UMAD1: variants seen among roughly 807,000 people sequenced by gnomAD.
UMAD1 encodes the protein UBAP1-MVB12-associated (UMA)-domain containing protein 1.
UMAD1 carries 8 observed loss-of-function variants against 6.1 expected under a neutral mutation model. That is an observed-to-expected ratio of 1.30 (90% CI 0.76 to 2.35). The LOEUF is 2.35. UMAD1 is among the 30% of genes most tolerant of loss of function. The probability of loss-of-function intolerance (pLI) is 0.00; values close to 1 mark genes in which losing one functional copy is unlikely to be tolerated. For missense variants in UMAD1, 130 were observed against 78.4 expected, an observed-to-expected ratio of 1.66 and a Z score of -2.49; for synonymous variants, 56 against 31.4, an observed-to-expected ratio of 1.78 and a Z score of -2.61.
At chr7:7,850,685 A>C (rs1783894943) in intron 3 of UMAD1, among the ~76,000 whole-genome samples, 2 of 152,116 alleles carry the variant, frequency 1.3e-5, no homozygotes, top group Non-Finnish European at 1.5e-5. Context: ...TTAAACATGA[A>C]GGTAATTTTT....
chr7:7,856,097 C>A (rs375782044), intron 3 of UMAD1, among the ~76,000 whole-genome samples: 1 of 152,208 alleles, frequency 6.6e-6, no homozygotes, highest in African/African-American at 2.4e-5. Context: ...GACTTTACTA[C>A]GTCTTCTAGT....
chr7:7,782,078 T>A (rs951882908), intron 2 of UMAD1, among the ~76,000 whole-genome samples: 3 of 152,130 alleles, frequency 2.0e-5, no homozygotes, highest in Non-Finnish European at 4.4e-5. Flanking sequence ...AACCACATTA[T>A]TTACCCATTA....
intron 3 of UMAD1, among the ~76,000 whole-genome samples, chr7:7,833,611 C>G (rs377183861): frequency 9.9e-5 from 15 of 152,124 alleles, no homozygotes; most frequent in African/African-American, 3.6e-4. Flanking sequence ...CAGAGAATAA[C>G]TCTTGGTAAT....
chr7:7,661,602 C>T (rs188514015), intron 1 of UMAD1, among the ~76,000 whole-genome samples: 30 of 152,266 alleles, frequency 2.0e-4, no homozygotes, highest in East Asian at 7.7e-4. Context: ...GAGGTCCAGT[C>T]GAGACCCTGT....
intron 2 of UMAD1, among the ~76,000 whole-genome samples, chr7:7,767,346 C>T (rs1159621839): frequency 3.3e-5 from 5 of 151,506 alleles, no homozygotes; most frequent in East Asian, 1.9e-4. Flanking sequence ...AGGATGGTCT[C>T]GATCTCCTGA....
At chr7:7,828,207 T>C (rs1415236706) in intron 3 of UMAD1, among the ~76,000 whole-genome samples, 3 of 152,156 alleles carry the variant, frequency 2.0e-5, no homozygotes, top group African/African-American at 7.2e-5. Context: ...TAGTCGCTGG[T>C]TGGTTAAAAT....
At chr7:7,835,754 C>T (rs1027027137) in intron 3 of UMAD1, among the ~76,000 whole-genome samples, 1 of 151,776 alleles carries the variant, frequency 6.6e-6, no homozygotes, top group Non-Finnish European at 1.5e-5. Flanking sequence ...TGTGTATGAT[C>T]TTACATCAGT....
intron 2 of UMAD1, among the ~76,000 whole-genome samples, chr7:7,744,776 T>G (rs1483527881): frequency 6.6e-6 from 1 of 152,192 alleles, no homozygotes; most frequent in African/African-American, 2.4e-5. Context: ...ATTTGTCTTT[T>G]TATTATTGAA....
chr7:7,687,055 C>T (rs938118103), intron 2 of UMAD1, among the ~76,000 whole-genome samples: 10 of 152,152 alleles, frequency 6.6e-5, no homozygotes, highest in Non-Finnish European at 1.3e-4. Flanking sequence ...TTCCTTTGAA[C>T]TTCCTTTATG....
rs916073288 is a variant in UMAD1, at chr7:7,878,964, G to A, written c.*1426G>A. On this transcript the variant is annotated 3_prime_UTR_variant, in exon 4 of 4. Transcript: ENST00000682710. ...TATGACTTATTACTGATGCAAACGTGAACATTTTGTAGTAGTTTTGTAAAA... is the reference window on the plus strand; with the variant it reads ...TATGACTTATTACTGATGCAAACGTAAACATTTTGTAGTAGTTTTGTAAAA... 6 of 152,138 alleles carry A rather than the reference G, an allele frequency of 3.9e-5. No homozygotes were observed. The highest frequency in any genetic ancestry group is 6.5e-5 in the Admixed American group (1 of 15,284). 9.4% of individuals were successfully genotyped at this position (152,138 alleles called of 1,614,324 possible).
chr7:7,761,206 T>C (rs1781882685), intron 2 of UMAD1, among the ~76,000 whole-genome samples: 1 of 151,778 alleles, frequency 6.6e-6, no homozygotes, highest in African/African-American at 2.4e-5. Context: ...CTCTACAAAA[T>C]ATACAAAAAA....
chr7:7,700,088 A>G (rs1780420765), intron 2 of UMAD1, among the ~76,000 whole-genome samples: 1 of 152,130 alleles, frequency 6.6e-6, no homozygotes. Flanking sequence ...TCCTTTAACA[A>G]AGTGTCATAG....
chr7:7,731,992 T>C (rs1583782760), intron 2 of UMAD1, among the ~76,000 whole-genome samples: 2 of 152,128 alleles, frequency 1.3e-5, no homozygotes, highest in East Asian at 3.9e-4. Flanking sequence ...CCTTAGAGGA[T>C]TGTGAAAAAT....
intron 2 of UMAD1, among the ~76,000 whole-genome samples, chr7:7,794,786 G>T (rs1185764781): frequency 6.6e-6 from 1 of 152,254 alleles, no homozygotes; most frequent in Admixed American, 6.5e-5. Flanking sequence ...GATTACATCC[G>T]TAGAGAATCT....
intron 2 of UMAD1, among the ~76,000 whole-genome samples, chr7:7,784,502 A>AT (rs1782420348): frequency 6.8e-6 from 1 of 146,772 alleles, no homozygotes; most frequent in African/African-American, 2.7e-5. Flanking sequence ...TGCCCGGCTA[A>AT]TTTTTTGTAT....
intron 2 of UMAD1, among the ~76,000 whole-genome samples, chr7:7,716,039 G>A (rs897582283): frequency 6.6e-6 from 1 of 152,130 alleles, no homozygotes; most frequent in African/African-American, 2.4e-5. Context: ...ACTAATATAT[G>A]TCAGGCATAT....
chr7:7,872,254 A>G (rs1280128579), intron 3 of UMAD1, among the ~76,000 whole-genome samples: 1 of 152,160 alleles, frequency 6.6e-6, no homozygotes, highest in Non-Finnish European at 1.5e-5. Flanking sequence ...GTTTCCCACT[A>G]CATATAAAAG....
At chr7:7,715,500 A>G (rs891306806) in intron 2 of UMAD1, among the ~76,000 whole-genome samples, 1 of 152,184 alleles carries the variant, frequency 6.6e-6, no homozygotes, top group African/African-American at 2.4e-5. Context: ...ATAAACATTC[A>G]TGCATTCCGA....
chr7:7,689,863 C>T (rs868588661), intron 2 of UMAD1, among the ~76,000 whole-genome samples: 1 of 152,130 alleles, frequency 6.6e-6, no homozygotes, highest in African/African-American at 2.4e-5. Flanking sequence ...CATATTACTG[C>T]TACAAAGCAG....
Sources: allele counts gnomAD v4.1 joint callset (sites outside exome capture counted in the v4.1 genomes callset), GRCh38; gene constraint gnomAD v4.1.1; transcripts MANE v1.5; gene names NCBI Gene and HGNC (gene_info 2026-07-23, HGNC 2026-07-21).